The following GALNT13 variants were observed in gnomAD, a reference collection of about 807,000 sequenced individuals.
GALNT13 encodes the protein polypeptide N-acetylgalactosaminyltransferase 13.
GALNT13 carries 28 observed loss-of-function variants against 64.2 expected under a neutral mutation model. The ratio of observed to expected loss-of-function variants is 0.44; its 90% CI spans 0.32 to 0.60. GALNT13 has a LOEUF of 0.60. GALNT13 is among the 20% of genes least tolerant of loss of function. The pLI is 0.05. For synonymous variants in GALNT13, 214 were observed against 224.6 expected (o/e 0.95, Z 0.42); for missense variants, 577 against 669.8 (o/e 0.86, Z 1.53).
At chr2:153,352,875 G>T in the GALNT13 span, among the ~76,000 whole-genome samples, 6 of 152,042 alleles carry the variant, frequency 3.9e-5, no homozygotes, top group Non-Finnish European at 8.8e-5. Flanking sequence ...ACGTCTTGAA[G>T]TTGGAGAATG....
chr2:154,371,475 T>G (rs799776), intron 9 of GALNT13, among the ~76,000 whole-genome samples: 22,819 of 151,970 alleles, frequency 0.15, 1,920 homozygotes, highest in South Asian at 0.3. Context: ...TACTGTAGTT[T>G]TGATTGTATT....
the GALNT13 span, among the ~76,000 whole-genome samples, chr2:153,068,486 T>G: frequency 6.6e-6 from 1 of 152,216 alleles, no homozygotes; most frequent in Non-Finnish European, 1.5e-5. Flanking sequence ...CATTTTTCTA[T>G]GTTTGGAATA....
At chr2:153,146,623 C>A in the GALNT13 span, among the ~76,000 whole-genome samples, 1 of 151,824 alleles carries the variant, frequency 6.6e-6, no homozygotes, top group African/African-American at 2.4e-5. Flanking sequence ...TCTTTCTGTC[C>A]CCTGAGATTC....
At chr2:153,830,067 T>G in the GALNT13 span, among the ~76,000 whole-genome samples, 2 of 152,296 alleles carry the variant, frequency 1.3e-5, no homozygotes, top group Non-Finnish European at 2.9e-5. Flanking sequence ...AGTAAAACAA[T>G]CATTCACTAT....
chr2:154,308,482 T>C (rs925341913), intron 9 of GALNT13, among the ~76,000 whole-genome samples: 1 of 152,146 alleles, frequency 6.6e-6, no homozygotes, highest in Non-Finnish European at 1.5e-5. Flanking sequence ...GGGGCCTAAT[T>C]TCTTCTGTAA....
chr2:153,487,904 A>T, the GALNT13 span, among the ~76,000 whole-genome samples: 3 of 152,146 alleles, frequency 2.0e-5, no homozygotes, highest in African/African-American at 7.2e-5. Flanking sequence ...AGCCATGGGG[A>T]CACATTGAAG....
the GALNT13 span, among the ~76,000 whole-genome samples, chr2:153,447,145 C>T: frequency 0.21 from 32,452 of 152,040 alleles, 3,733 homozygotes; most frequent in Non-Finnish European, 0.25. Flanking sequence ...TAACTGCAAG[C>T]GTAAACATAA....
At chr2:153,230,068 G>T in the GALNT13 span, among the ~76,000 whole-genome samples, 1 of 152,180 alleles carries the variant, frequency 6.6e-6, no homozygotes, top group Non-Finnish European at 1.5e-5. Flanking sequence ...TTCATATGTT[G>T]CTCCTTTCTT....
At chr2:154,193,551 TC>T (rs1422484570) in intron 4 of GALNT13, among the ~76,000 whole-genome samples, 2 of 152,174 alleles carry the variant, frequency 1.3e-5, no homozygotes, top group Non-Finnish European at 2.9e-5. Flanking sequence ...CCTGATTACC[TC>T]CAGATTCCTG....
rs1684035156 is a variant in GALNT13, at chr2:154,151,680, T to C, written c.311+11175T>C. On this transcript the variant is annotated intron_variant, in intron 4 of 12. Transcript: ENST00000392825. ...TGTTGAATTGAACCCTTTACCATTATGTAATGTCCTTCTTTGTCTCTTTTG... is the reference window on the plus strand; with the variant it reads ...TGTTGAATTGAACCCTTTACCATTACGTAATGTCCTTCTTTGTCTCTTTTG... Among the ~76,000 whole-genome samples the C allele has an allele frequency of 2.0e-5, 3 of 152,354 alleles. No individual in the cohort carries two copies. The South Asian group carries it at 6.2e-4, about 32-fold the overall frequency.
At chr2:153,657,812 G>A in the GALNT13 span, among the ~76,000 whole-genome samples, 3 of 152,078 alleles carry the variant, frequency 2.0e-5, no homozygotes, top group Non-Finnish European at 4.4e-5. Context: ...CTATAATATA[G>A]CAAGCCTGGG....
chr2:154,050,081 ACTTT>A (rs1699503088), intron 3 of GALNT13, among the ~76,000 whole-genome samples: 4 of 152,292 alleles, frequency 2.6e-5, no homozygotes, highest in African/African-American at 9.6e-5. Context: ...TGTCAGTTTT[ACTTT>A]CTTTCTCTTT....
chr2:154,335,090 T>C (rs16836561), intron 9 of GALNT13, among the ~76,000 whole-genome samples: 22,169 of 151,924 alleles, frequency 0.15, 1,702 homozygotes, highest in Middle Eastern at 0.2. Context: ...TCAGAAGACT[T>C]CCTATATGTT....
the GALNT13 span, among the ~76,000 whole-genome samples, chr2:153,103,892 G>T: frequency 1.3e-5 from 2 of 152,064 alleles, no homozygotes; most frequent in African/African-American, 4.8e-5. Context: ...AATTTTTTGT[G>T]GTTTTAGTGA....
At chr2:153,255,015 G>C in the GALNT13 span, among the ~76,000 whole-genome samples, 9 of 152,126 alleles carry the variant, frequency 5.9e-5, no homozygotes, top group Non-Finnish European at 1.2e-4. Flanking sequence ...TTCAATTCCT[G>C]GGTATCCTTG....
the GALNT13 span, among the ~76,000 whole-genome samples, chr2:153,493,631 C>T: frequency 2.0e-3 from 307 of 151,884 alleles, 2 homozygotes; most frequent in African/African-American, 7.0e-3. Context: ...TTCTCCAACT[C>T]ATTATATAAG....
chr2:154,223,399 A>G (rs1279042845), intron 4 of GALNT13, among the ~76,000 whole-genome samples: 1 of 151,164 alleles, frequency 6.6e-6, no homozygotes, highest in African/African-American at 2.4e-5. Flanking sequence ...GTAGATGGAA[A>G]GCTGATCCAC....
the GALNT13 span, among the ~76,000 whole-genome samples, chr2:153,418,408 G>A: frequency 6.6e-6 from 1 of 152,154 alleles, no homozygotes; most frequent in African/African-American, 2.4e-5. Flanking sequence ...GTTGTAATTT[G>A]CCAAGAGAGG....
chr2:153,237,355 A>G, the GALNT13 span, among the ~76,000 whole-genome samples: 1 of 152,090 alleles, frequency 6.6e-6, no homozygotes, highest in Non-Finnish European at 1.5e-5. Context: ...CAATCCAGTC[A>G]TCTTTTTGTT....
Sources: allele counts gnomAD v4.1 joint callset (sites outside exome capture counted in the v4.1 genomes callset), GRCh38; gene constraint gnomAD v4.1.1; transcripts MANE v1.5; gene names NCBI Gene and HGNC (gene_info 2026-07-23, HGNC 2026-07-21).